Variants in OSBPL10 observed in about 807,000 individuals in gnomAD.
OSBPL10 encodes oxysterol binding protein like 10, also known as oxysterol-binding protein-related protein 10.
Under a neutral mutation model 81.7 loss-of-function variants are expected in OSBPL10, and 49 were observed. The ratio of observed to expected loss-of-function variants is 0.60; its 90% CI spans 0.48 to 0.76. The LOEUF is 0.76. Ranked by LOEUF, OSBPL10 falls within the 30% of genes least tolerant of loss-of-function variation. OSBPL10 has a pLI of 0.00. For synonymous variants in OSBPL10, 419 were observed against 383.6 expected (o/e 1.09, Z -1.08); for missense variants, 923 against 987.8 (o/e 0.93, Z 0.88).
At chr3:31,879,452 C>T in intron 2 of OSBPL10, 1 of 557,794 alleles carries the variant, frequency 1.8e-6, no homozygotes, top group Non-Finnish European at 3.1e-6. Context: ...CTTAATTCCT[C>T]AGTTAATTAG....
At chr3:31,989,923 G>A (rs540366264) in intron 2 of OSBPL10, 5 of 1,614,006 alleles carry the variant, frequency 3.1e-6, no homozygotes, top group Non-Finnish European at 4.2e-6. Flanking sequence ...ATGTCACACT[G>A]GTGAGAAACC....
intron 11 of OSBPL10, 107 bp from the exon 12 acceptor site, chr3:31,662,223 TCA>T (rs1700086921): frequency 1.3e-6 from 2 of 1,569,640 alleles, no homozygotes; most frequent in Admixed American, 1.8e-5. Flanking sequence ...TCTTAATACC[TCA>T]CACGCAGGCC....
At chr3:31,832,109 G>A (rs889162280) in intron 3 of OSBPL10, among the ~76,000 whole-genome samples, 2 of 152,204 alleles carry the variant, frequency 1.3e-5, no homozygotes, top group African/African-American at 4.8e-5. Context: ...ACAGTTAAGT[G>A]AAGGAAGGCA....
At chr3:32,068,697 G>A (rs541116573) in intron 1 of OSBPL10, among the ~76,000 whole-genome samples, 113 of 152,122 alleles carry the variant, frequency 7.4e-4, no homozygotes, top group Non-Finnish European at 1.2e-3. Flanking sequence ...TGGGCAAATG[G>A]TCTGAGGTGC....
chr3:31,755,294 A>G (rs1231925530), intron 4 of OSBPL10, among the ~76,000 whole-genome samples: 1 of 152,180 alleles, frequency 6.6e-6, no homozygotes, highest in African/African-American at 2.4e-5. Flanking sequence ...GCCTAACGGT[A>G]TAATAGTCTG....
chr3:31,917,207 C>T (rs1373390018), intron 1 of OSBPL10, among the ~76,000 whole-genome samples: 1 of 152,142 alleles, frequency 6.6e-6, no homozygotes, highest in Non-Finnish European at 1.5e-5. Flanking sequence ...ACAGTTACAG[C>T]GTTCATGTGA....
At chr3:32,008,216 A>G (rs1699222924) in intron 2 of OSBPL10, among the ~76,000 whole-genome samples, 1 of 148,050 alleles carries the variant, frequency 6.8e-6, no homozygotes, top group Non-Finnish European at 1.5e-5. Context: ...CGTGTTGCCC[A>G]GGCTGGAGTG....
intron 7 of OSBPL10, among the ~76,000 whole-genome samples, chr3:31,689,565 CTT>C (rs1352149926): frequency 6.6e-6 from 1 of 151,984 alleles, no homozygotes; most frequent in Admixed American, 6.6e-5. Context: ...CAAATTTCAT[CTT>C]GAGTTGTAAC....
chr3:31,990,639 T>A, intron 2 of OSBPL10: 1 of 1,614,108 alleles, frequency 6.2e-7, no homozygotes, highest in Non-Finnish European at 8.5e-7. Flanking sequence ...AGGTTTTTAA[T>A]CAACAAGCAA....
chr3:31,763,005 C>T (rs539587688), intron 4 of OSBPL10, among the ~76,000 whole-genome samples: 4 of 152,206 alleles, frequency 2.6e-5, no homozygotes, highest in African/African-American at 4.8e-5. Flanking sequence ...AGAAAGAAGA[C>T]GCTTGGGAGC....
intron 4 of OSBPL10, among the ~76,000 whole-genome samples, chr3:31,828,345 G>T (rs1169087252): frequency 6.6e-6 from 1 of 152,136 alleles, no homozygotes; most frequent in Non-Finnish European, 1.5e-5. Flanking sequence ...AAGAACAATG[G>T]AAAGTTGGAA....
intron 8 of OSBPL10, among the ~76,000 whole-genome samples, chr3:31,677,340 G>A (rs193083078): frequency 6.6e-6 from 1 of 152,092 alleles, no homozygotes; most frequent in African/African-American, 2.4e-5. Flanking sequence ...ATAAGGGGAC[G>A]CAGCTACTGA....
intron 8 of OSBPL10, among the ~76,000 whole-genome samples, chr3:31,672,700 A>G (rs75089264): frequency 0.099 from 15,114 of 152,126 alleles, 883 homozygotes; most frequent in African/African-American, 0.16. Flanking sequence ...TAAGTCCATT[A>G]AAGTCAGTTT....
intron 3 of OSBPL10, 31 bp downstream of exon 3, chr3:31,876,402 A>T: frequency 6.4e-7 from 1 of 1,556,866 alleles, no homozygotes; most frequent in Non-Finnish European, 8.9e-7. Context: ...TGGTTATTCG[A>T]ATGCCTCCTT....
intron 2 of OSBPL10, among the ~76,000 whole-genome samples, chr3:32,005,592 T>C (rs1699197908): frequency 6.6e-6 from 1 of 152,184 alleles, no homozygotes; most frequent in Non-Finnish European, 1.5e-5. Flanking sequence ...TTTTTTTTGT[T>C]GTTGCTTTTT....
chr3:32,072,024 A>G (rs1369550717), intron 1 of OSBPL10, among the ~76,000 whole-genome samples: 2 of 151,790 alleles, frequency 1.3e-5, no homozygotes, highest in African/African-American at 4.8e-5. Context: ...TGAGGCTACC[A>G]CTCTGCCCCC....
chr3:31,806,351 G>A (rs1575556885), intron 4 of OSBPL10, among the ~76,000 whole-genome samples: 1 of 152,058 alleles, frequency 6.6e-6, no homozygotes, highest in Non-Finnish European at 1.5e-5. Context: ...AGACTTCCTC[G>A]CCACTGCACT....
intron 2 of OSBPL10, among the ~76,000 whole-genome samples, chr3:31,999,742 A>G (rs1339820375): frequency 2.0e-5 from 3 of 152,174 alleles, no homozygotes; most frequent in Admixed American, 2.0e-4. Context: ...TGCTATGCCC[A>G]GATGTCAGGG....
At chr3:31,969,420 G>C (rs889967018) in intron 1 of OSBPL10, 1 of 152,234 alleles carries the variant, frequency 6.6e-6, no homozygotes, top group Non-Finnish European at 1.5e-5. Context: ...GAACAGTTAG[G>C]GTTTTGGAAG....
Sources: allele counts gnomAD v4.1 joint callset (sites outside exome capture counted in the v4.1 genomes callset), GRCh38; gene constraint gnomAD v4.1.1; transcripts MANE v1.5; gene names NCBI Gene and HGNC (gene_info 2026-07-23, HGNC 2026-07-21).